ASZ1: variants seen among roughly 807,000 people sequenced by gnomAD.
ASZ1 encodes the protein ankyrin repeat, SAM and basic leucine zipper domain containing 1, also known as ankyrin repeat, SAM and basic leucine zipper domain-containing protein 1.
A neutral mutation model predicts 61.8 loss-of-function variants in ASZ1; 67 were observed. That is an observed-to-expected ratio of 1.08 (90% CI 0.89 to 1.33). ASZ1 has a LOEUF of 1.33. Among genes scored for constraint, ASZ1 ranks in the 40% most tolerant of loss-of-function variants. The pLI is 0.00. For missense variants in ASZ1, 577 were observed against 554.5 expected, an observed-to-expected ratio of 1.04 and a Z score of -0.41; for synonymous variants, 193 against 192.7, an observed-to-expected ratio of 1.00 and a Z score of -0.01.
chr7:117,404,714 T>C (rs911693848), intron 4 of ASZ1, among the ~76,000 whole-genome samples: 3 of 152,172 alleles, frequency 2.0e-5, no homozygotes, highest in Non-Finnish European at 4.4e-5. Flanking sequence ...TTTTTCATAG[T>C]CTGCCATTGC....
intron 4 of ASZ1, among the ~76,000 whole-genome samples, chr7:117,407,235 T>C (rs532571348): frequency 6.6e-6 from 1 of 152,264 alleles, no homozygotes; most frequent in East Asian, 1.9e-4. Flanking sequence ...AGAAAGCTGA[T>C]ATACCTATAC....
chr7:117,363,750 T>G lies in ASZ1; in HGVS notation c.1276-2A>C. 6.4e-7 allele frequency: 1 copy of G among 1,560,116 alleles called. No homozygotes were observed. Among genetic ancestry groups the G allele is most frequent in the Non-Finnish European group, 8.7e-7 (1 of 1,153,294 alleles). On this transcript the variant is annotated splice_acceptor_variant, in intron 12 of 12. Coordinates refer to ENST00000284629, the MANE Select transcript of ASZ1 (RefSeq NM_130768.3). LOFTEE classifies it high-confidence loss of function. ...ATCATTTTCCCGTTCATTTTGCAACTAATATTTAGTATGGAAAAAGAAAAG... is the reference window on the plus strand; with the variant it reads ...ATCATTTTCCCGTTCATTTTGCAACGAATATTTAGTATGGAAAAAGAAAAG...
chr7:117,401,412 G>A (rs1796678684), intron 4 of ASZ1, among the ~76,000 whole-genome samples: 1 of 148,514 alleles, frequency 6.7e-6, no homozygotes. Flanking sequence ...AAGACCAACA[G>A]AAAATATTAA....
intron 4 of ASZ1, among the ~76,000 whole-genome samples, chr7:117,399,481 C>G (rs552320429): frequency 1.5e-4 from 23 of 152,312 alleles, no homozygotes; most frequent in Middle Eastern, 3.4e-3. Flanking sequence ...GACACAAGGA[C>G]TGAGTCTTTC....
At chr7:117,425,659 A>C (rs1797189894) in intron 2 of ASZ1, among the ~76,000 whole-genome samples, 1 of 151,982 alleles carries the variant, frequency 6.6e-6, no homozygotes, top group African/African-American at 2.4e-5. Flanking sequence ...AAATTCATGA[A>C]GCCCAGGACA....
chr7:117,423,833 G>C (rs1019046173), intron 2 of ASZ1, among the ~76,000 whole-genome samples: 2 of 150,630 alleles, frequency 1.3e-5, no homozygotes, highest in Non-Finnish European at 3.0e-5. Context: ...CTGCACTCCA[G>C]CCTGGGCGAC....
Position 117,363,568 on chromosome 7 carries a change from T to C in ASZ1, c.*28A>G. ...TTTTTGGATGGTTCAATAAGATGTG[T>C]ATATATAACTTAAAACAAATATTTG... On this transcript the variant is annotated 3_prime_UTR_variant, in exon 13 of 13. Coordinates refer to ENST00000284629, the MANE Select transcript of ASZ1 (RefSeq NM_130768.3). The C allele has an allele frequency of 6.5e-7, 1 of 1,543,584 alleles. No individual in the cohort carries two copies. The highest frequency in any genetic ancestry group is 8.8e-7 in the Non-Finnish European group (1 of 1,138,950).
intron 10 of ASZ1, among the ~76,000 whole-genome samples, chr7:117,379,182 C>T (rs1796204364): frequency 6.9e-6 from 1 of 145,566 alleles, no homozygotes; most frequent in South Asian, 2.2e-4. Context: ...CACACACACA[C>T]ACACACACAC....
At chr7:117,398,510 G>C (rs992038444) in intron 4 of ASZ1, among the ~76,000 whole-genome samples, 2 of 152,210 alleles carry the variant, frequency 1.3e-5, no homozygotes, top group Non-Finnish European at 2.9e-5. Context: ...CTATAAAAGA[G>C]AGAAGTATCT....
Position 117,379,075 on chromosome 7 carries a change from C to T in ASZ1, c.1055+863G>A, listed in dbSNP as rs542855085. Among the ~76,000 whole-genome samples, 407 of 147,432 alleles carry T rather than the reference C, an allele frequency of 2.8e-3. 25 individuals are homozygous for T. In the South Asian group the frequency reaches 0.085, roughly 31 times the overall value. ...CTATAAAGGGGTATTATGAGACAGC[C>T]CTGTGTTAAGTACATTGAACACGGA... is the stretch of plus-strand genomic sequence containing the variant. On this transcript the variant is annotated intron_variant, in intron 10 of 12. Transcript: ENST00000284629.
At chr7:117,393,683 A>G (rs935694494) in intron 4 of ASZ1, among the ~76,000 whole-genome samples, 1 of 152,186 alleles carries the variant, frequency 6.6e-6, no homozygotes, top group Non-Finnish European at 1.5e-5. Flanking sequence ...TATTACTTTA[A>G]TAAGTGAGTT....
intron 4 of ASZ1, among the ~76,000 whole-genome samples, chr7:117,398,050 T>C (rs1267990843): frequency 6.6e-6 from 1 of 152,218 alleles, no homozygotes; most frequent in Non-Finnish European, 1.5e-5. Flanking sequence ...AAATGATGTA[T>C]TTTTGTTTCT....
At chr7:117,392,390 G>T (rs1796487866) in intron 4 of ASZ1, among the ~76,000 whole-genome samples, 1 of 152,074 alleles carries the variant, frequency 6.6e-6, no homozygotes. Flanking sequence ...CTCCTGTAGA[G>T]ATCTTTTACC....
intron 4 of ASZ1, among the ~76,000 whole-genome samples, chr7:117,393,434 T>C (rs1427553467): frequency 1.3e-5 from 2 of 152,156 alleles, no homozygotes; most frequent in Non-Finnish European, 2.9e-5. Flanking sequence ...ATTAAAACTA[T>C]CTTGTTAAAT....
chr7:117,385,752 A>G lies in ASZ1; in HGVS notation c.498T>C (p.Ala166=), dbSNP rs1584725699. 1 of 1,613,674 alleles carries G rather than the reference A, an allele frequency of 6.2e-7. No homozygotes were observed. The highest frequency in any genetic ancestry group is 1.7e-4 in the Middle Eastern group (1 of 6,056). The change falls in exon 5 of 13, where the codon GCT becomes GCC. Residue 166 remains alanine, a synonymous_variant. Transcript: ENST00000284629. ...AARDGHTQVV[A]LLVAHGAEVN... ...CTTCTGCTCCATGAGCAACAAGGAG[A>G]GCAACAACCTGGGTGTGACCATCTC...
chr7:117,421,850 T>C (rs1160136467), intron 3 of ASZ1, among the ~76,000 whole-genome samples: 2 of 152,216 alleles, frequency 1.3e-5, no homozygotes, highest in Non-Finnish European at 2.9e-5. Flanking sequence ...AAGATGGATT[T>C]CATGAACTAT....
intron 4 of ASZ1, among the ~76,000 whole-genome samples, chr7:117,409,290 C>A (rs957302523): frequency 6.6e-6 from 1 of 151,854 alleles, no homozygotes; most frequent in African/African-American, 2.4e-5. Flanking sequence ...GATATGCTAA[C>A]AGCTCTAATA....
intron 2 of ASZ1, among the ~76,000 whole-genome samples, chr7:117,425,259 CTTTTTTTTTT>C (rs71148368): frequency 1.1e-5 from 1 of 93,858 alleles, no homozygotes; most frequent in Middle Eastern, 0.012. Flanking sequence ...TGAGTAATTT[CTTTTTTTTTT>C]TTTTTTTTTT....
At chr7:117,422,469 T>C in intron 2 of ASZ1, 110 bp from the exon 3 acceptor site, 1 of 1,241,876 alleles carries the variant, frequency 8.1e-7, no homozygotes, top group South Asian at 1.9e-5. Flanking sequence ...TGTACTTTAT[T>C]CCACCATGGG....
Sources: gnomAD v4.1 joint callset for allele counts (sites outside exome capture counted in the v4.1 genomes callset) on GRCh38, gnomAD v4.1.1 for gene constraint, MANE v1.5 for transcripts, NCBI Gene and HGNC (gene_info 2026-07-23, HGNC 2026-07-21) for gene names.